The following IL1R2 variants were observed in gnomAD, a reference collection of about 807,000 sequenced individuals.
IL1R2 encodes the protein interleukin 1 receptor type 2.
Under a neutral mutation model 39.5 loss-of-function variants are expected in IL1R2, and 46 were observed. The ratio of observed to expected loss-of-function variants is 1.16; its 90% CI spans 0.92 to 1.49. The LOEUF (loss-of-function observed/expected upper bound fraction) is 1.49. IL1R2 is among the 40% of genes most tolerant of loss of function. The pLI, the probability that IL1R2 is intolerant of heterozygous loss-of-function variation, is 0.00. For missense variants in IL1R2, 537 were observed against 502.0 expected, an observed-to-expected ratio of 1.07 and a Z score of -0.67; for synonymous variants, 207 against 189.6, an observed-to-expected ratio of 1.09 and a Z score of -0.75.
At chr2:102,014,308 A>C (rs2150443194) in intron 3 of IL1R2, among the ~76,000 whole-genome samples, 1 of 152,286 alleles carries the variant, frequency 6.6e-6, no homozygotes, top group Admixed American at 6.5e-5. Flanking sequence ...TTCCTACTTC[A>C]TGGGGGCTGG....
At chr2:102,016,859 G>A (rs572659499) in intron 4 of IL1R2, among the ~76,000 whole-genome samples, 47 of 152,130 alleles carry the variant, frequency 3.1e-4, no homozygotes, top group Non-Finnish European at 6.3e-4. Context: ...TGTGGGGAAT[G>A]TTTGCTGAAA....
At chr2:102,006,147 C>T (rs1427468897) in intron 1 of IL1R2, among the ~76,000 whole-genome samples, 1 of 151,780 alleles carries the variant, frequency 6.6e-6, no homozygotes, top group East Asian at 1.9e-4. Flanking sequence ...ATTTAAATTC[C>T]TACTTCTTTC....
rs60026295 is a variant in IL1R2, at chr2:102,014,947, A to AAATAATAATAAT, written c.333-905_333-894dup. On this transcript the variant is annotated intron_variant, in intron 3 of 8. Coordinates refer to ENST00000332549, the MANE Select transcript of IL1R2 (RefSeq NM_004633.4). ...CAGTGAAATAATGATTAGGCTAGTA[A>AAATAATAATAAT]AATAATAATAATAATAATAATAATA... Among the ~76,000 whole-genome samples the AAATAATAATAAT allele has an allele frequency of 9.5e-4, 134 of 141,498 alleles. 1 individual carries two copies. Among genetic ancestry groups the AAATAATAATAAT allele is most frequent in the South Asian group, 7.9e-3 (35 of 4,450 alleles). The allele number at this position is 141,498 out of a possible 152,430, so 92.8% of individuals were successfully genotyped here. A position where few individuals can be genotyped will look rare whatever the true frequency, so the allele number is the denominator to read the frequency against.
At chr2:102,010,498 C>T (rs1035920859) in intron 3 of IL1R2, among the ~76,000 whole-genome samples, 2 of 151,470 alleles carry the variant, frequency 1.3e-5, no homozygotes, top group Admixed American at 6.6e-5. Flanking sequence ...ATGGCGTGAA[C>T]CCAGGAGATG....
chr2:102,023,810 G>C (rs1677543484), intron 6 of IL1R2, among the ~76,000 whole-genome samples: 1 of 152,134 alleles, frequency 6.6e-6, no homozygotes, highest in African/African-American at 2.4e-5. Context: ...CACTTTGGGA[G>C]GCCGAGGCAG....
intron 8 of IL1R2, among the ~76,000 whole-genome samples, chr2:102,027,540 G>A (rs1251099982): frequency 6.6e-6 from 1 of 152,178 alleles, no homozygotes; most frequent in African/African-American, 2.4e-5. Flanking sequence ...TCTAATCTTT[G>A]TGGGGTTTTA....
At chr2:102,027,796 C>T (rs1189051020) in intron 8 of IL1R2, among the ~76,000 whole-genome samples, 1 of 152,198 alleles carries the variant, frequency 6.6e-6, no homozygotes, top group African/African-American at 2.4e-5. Context: ...GTGTTGGCCC[C>T]TGCAGCTCCA....
chr2:102,011,475 C>G (rs147355817), intron 3 of IL1R2, among the ~76,000 whole-genome samples: 1 of 152,288 alleles, frequency 6.6e-6, no homozygotes, highest in Non-Finnish European at 1.5e-5. Flanking sequence ...TTTCCACGTT[C>G]CTAATGATTA....
chr2:101,998,120 T>C (rs140747540), intron 1 of IL1R2, among the ~76,000 whole-genome samples: 1 of 152,344 alleles, frequency 6.6e-6, no homozygotes, highest in Non-Finnish European at 1.5e-5. Context: ...CTGTGTTGCA[T>C]GTACTGTCCC....
intron 5 of IL1R2, among the ~76,000 whole-genome samples, chr2:102,021,107 T>C (rs964986096): frequency 2.0e-5 from 3 of 152,144 alleles, no homozygotes; most frequent in Admixed American, 2.0e-4. Context: ...AAAAGGCGTC[T>C]GGCCGTGGTC....
chr2:102,025,900 A>G (rs915203773), intron 7 of IL1R2, among the ~76,000 whole-genome samples: 1 of 152,188 alleles, frequency 6.6e-6, no homozygotes, highest in Non-Finnish European at 1.5e-5. Flanking sequence ...GTGACCGCCA[A>G]CTTCAGTGAC....
intron 7 of IL1R2, 118 bp downstream of exon 7, chr2:102,024,786 T>C: frequency 8.0e-7 from 1 of 1,247,762 alleles, no homozygotes; most frequent in South Asian, 1.8e-5. Context: ...TTCCAAACTG[T>C]TGGATGTTTA....
At position 102,015,967 on chromosome 2, in the gene IL1R2, CT is replaced by C. The variant is rs772045551; in HGVS notation, c.431del (p.Leu144CysfsTer7). 115 of 1,613,772 alleles carry C rather than the reference CT, an allele frequency of 7.1e-5. No homozygotes were observed. Among genetic ancestry groups the C allele is most frequent in the Non-Finnish European group, 9.2e-5 (108 of 1,179,778 alleles). On this transcript the variant is annotated frameshift_variant, in exon 4 of 9. Coordinates refer to ENST00000332549, the MANE Select transcript of IL1R2 (RefSeq NM_004633.4). LOFTEE classifies it high-confidence loss of function. ...PFISYPQILT[L>X]STSGVLVCPD... Reference sequence around the variant, plus strand: ...TCATCTCATACCCGCAAATTTTAACCTTGTCAACCTCTGGGGTATTAGTATG... The same window carrying C: ...TCATCTCATACCCGCAAATTTTAACCTGTCAACCTCTGGGGTATTAGTATG...
At chr2:102,021,397 C>A (rs1191801571) in intron 5 of IL1R2, among the ~76,000 whole-genome samples, 5 of 150,938 alleles carry the variant, frequency 3.3e-5, no homozygotes, top group African/African-American at 1.2e-4. Flanking sequence ...CTCACTGCGA[C>A]CTCTACCTCC....
intron 8 of IL1R2, among the ~76,000 whole-genome samples, 168 bp from the exon 9 acceptor site, chr2:102,028,058 C>T (rs1160797866): frequency 1.3e-5 from 2 of 152,232 alleles, no homozygotes; most frequent in African/African-American, 4.8e-5. Flanking sequence ...ACATCACTCT[C>T]AAATATCCTC....
At chr2:102,002,834 GTGTCTGTGTCTA>G (rs1325955993) in intron 1 of IL1R2, among the ~76,000 whole-genome samples, 3 of 74,672 alleles carry the variant, frequency 4.0e-5, no homozygotes, top group Non-Finnish European at 8.7e-5. Context: ...GTCCCTGTCT[GTGTCTGTGTCTA>G]TGTCTGTGTC....
intron 3 of IL1R2, among the ~76,000 whole-genome samples, chr2:102,013,174 A>G (rs1676743113): frequency 6.6e-6 from 1 of 152,150 alleles, no homozygotes; most frequent in Non-Finnish European, 1.5e-5. Context: ...TTGTAGGAAA[A>G]AAAAAGCTGA....
chr2:102,009,975 C>T (rs376923031), intron 3 of IL1R2, 149 bp downstream of exon 3: 5 of 821,852 alleles, frequency 6.1e-6, no homozygotes, highest in Non-Finnish European at 7.6e-6. Context: ...TTCCTGACAC[C>T]CCCCCCAACC....
In IL1R2 at chr2:102,024,605, C is replaced by T. The variant is rs777541472; in HGVS notation, c.824C>T (p.Thr275Met). The change falls in exon 7 of 9, where the codon ACG (threonine) becomes ATG (methionine). Residue 275 changes from threonine to methionine, a missense_variant. Thr to Met is a moderately conservative substitution (Grantham distance 81). Coordinates refer to ENST00000332549, the MANE Select transcript of IL1R2 (RefSeq NM_004633.4). The part of the protein sequence containing the change: ...GTPLTTMLWW[T>M]ANDTHIESAY... ...CCCTTAACCACCATGCTGTGGTGGA[C>T]GGCCAATGACACCCACATAGAGAGC... 1.1e-5 allele frequency: 18 copies of T among 1,613,790 alleles called. No individual in the cohort carries two copies. Among genetic ancestry groups the T allele is most frequent in the East Asian group, 4.5e-5 (2 of 44,878 alleles).
Sources: gnomAD v4.1 joint callset for allele counts (sites outside exome capture counted in the v4.1 genomes callset) on GRCh38, gnomAD v4.1.1 for gene constraint, MANE v1.5 for transcripts, NCBI Gene and HGNC (gene_info 2026-07-23, HGNC 2026-07-21) for gene names.